The following IDH1 variants were observed in gnomAD, a reference collection of about 807,000 sequenced individuals.
The protein encoded by IDH1 is isocitrate dehydrogenase (NADP(+)) 1.
In IDH1, 33 loss-of-function variants were observed where a neutral mutation model predicts 46.1. The observed-to-expected ratio is 0.72, with a 90% confidence interval of 0.54 to 0.96. The LOEUF is 0.96. Among genes scored for constraint, IDH1 ranks in the 40% least tolerant of loss-of-function variants. IDH1 has a pLI of 0.00. For synonymous variants in IDH1, 144 were observed against 172.8 expected (o/e 0.83, Z 1.31); for missense variants, 421 against 515.7 (o/e 0.82, Z 1.78).
At position 208,248,531 on chromosome 2, in the gene IDH1, C is replaced by T. The variant is rs1349971974; in HGVS notation, c.252G>A (p.Glu84=). ...TCCACATTTGTTTCAACTTGAACTC[C>T]TCAACCCTCTTCTCATCAGGAGTGA... ...ATITPDEKRV[E]EFKLKQMWKS... The change falls in exon 4 of 10, where the codon GAG becomes GAA. Residue 84 remains glutamate (E), a synonymous_variant. Transcript: ENST00000345146. The T allele has an allele frequency of 1.9e-6, 3 of 1,614,150 alleles. No homozygotes were observed. The highest frequency in any genetic ancestry group is 2.5e-6 in the Non-Finnish European group (3 of 1,180,028).
Position 208,251,518 on chromosome 2 carries a change from C to G in IDH1, c.34G>C (p.Glu12Gln), listed in dbSNP as rs1248893111. The part of the protein sequence containing the change: ...SKKISGGSVV[E>Q]MQGDEMTRII... The stretch of plus-strand genomic sequence containing the variant: ...CGTGTCATTTCATCTCCTTGCATCT[C>G]TACCACAGAACCGCCACTGATTTTT... Residue 12 changes from glutamate (E) to glutamine (Q), a missense_variant, in exon 3 of 10, where the codon GAG (glutamate) becomes CAG (glutamine). By Grantham distance (29) the Glu-to-Gln change is conservative. Transcript: ENST00000345146. 5 of 1,613,706 alleles carry G rather than the reference C, an allele frequency of 3.1e-6. No homozygotes were observed. Among genetic ancestry groups the G allele is most frequent in the Non-Finnish European group, 4.2e-6 (5 of 1,179,930 alleles).
intron 4 of IDH1, chr2:208,247,532 C>T (rs1015169015): frequency 6.6e-6 from 1 of 152,178 alleles, no homozygotes; most frequent in African/African-American, 2.4e-5. Context: ...AACTCCTAGG[C>T]TTAAGGGATC....
chr2:208,239,320 G>GT, intron 8 of IDH1, 87 bp from the exon 9 acceptor site: 1 of 1,410,100 alleles, frequency 7.1e-7, no homozygotes, highest in East Asian at 2.4e-5. Context: ...AAACAGAATA[G>GT]TTTTTTGTTT....
At chr2:208,249,724 A>G (rs1436443018) in intron 3 of IDH1, among the ~76,000 whole-genome samples, 1 of 152,208 alleles carries the variant, frequency 6.6e-6, no homozygotes, top group Admixed American at 6.5e-5. Flanking sequence ...CATGATGCAA[A>G]CAAAGAGATA....
At chr2:208,245,788 CCA>C (rs1159805109) in intron 4 of IDH1, among the ~76,000 whole-genome samples, 9 of 42,338 alleles carry the variant, frequency 2.1e-4, no homozygotes, top group African/African-American at 3.4e-4. Context: ...GACCCCCCCC[CCA>C]AAAAAAAAAA....
chr2:208,243,015 C>T (rs1393649058), intron 6 of IDH1, among the ~76,000 whole-genome samples: 4 of 152,270 alleles, frequency 2.6e-5, no homozygotes, highest in Middle Eastern at 3.4e-3. Context: ...CCGCCCGCCT[C>T]GGCCTCCCAA....
At chr2:208,240,824 T>TA (rs1687904656) in intron 7 of IDH1, among the ~76,000 whole-genome samples, 1 of 152,200 alleles carries the variant, frequency 6.6e-6, no homozygotes, top group African/African-American at 2.4e-5. Flanking sequence ...TTGCATTCAG[T>TA]ACAAATGATT....
chr2:208,245,309 T>A lies in IDH1; in HGVS notation c.520+10A>T, dbSNP rs1292727156. ...AAAAAAAAAGAAGCTTATGCTACAG[T>A]CATACATACCTTCAAAGTTATGTAC... On this transcript the variant is annotated intron_variant, in intron 5 of 9. Coordinates refer to ENST00000345146, the MANE Select transcript of IDH1 (RefSeq NM_005896.4). The A allele has an allele frequency of 7.4e-7, 1 of 1,357,444 alleles. No homozygotes were observed. The highest frequency in any genetic ancestry group is 1.4e-5 in the African/African-American group (1 of 70,020). 84.1% of individuals were successfully genotyped at this position (1,357,444 alleles called of 1,614,324 possible). A position where few individuals can be genotyped will look rare whatever the true frequency, so the allele number is the denominator to read the frequency against.
rs1687928524 is a variant in IDH1 at position 208,242,043 on chromosome 2, C to T, written c.801G>A (p.Trp267Ter). 6.2e-7 allele frequency: 1 copy of T among 1,612,846 alleles called. No homozygotes were observed. Among genetic ancestry groups the T allele is most frequent in the Non-Finnish European group, 8.5e-7 (1 of 1,179,838 alleles). Residue 267 changes from tryptophan (W) to a stop codon, truncating the protein, a stop_gained, in exon 7 of 10, where the codon TGG becomes TGA. Coordinates refer to ENST00000345146, the MANE Select transcript of IDH1 (RefSeq NM_005896.4). LOFTEE classifies it high-confidence loss of function. ...CGTCACCATCATAGTTTTTACAGGC[C>T]CAGATGAAGCCTCCCTCTGATTTCA... The part of the protein sequence containing the change: ...QAMKSEGGFI[W>*]ACKNYDGDVQ...
At chr2:208,246,702 G>A (rs1443944338) in intron 4 of IDH1, among the ~76,000 whole-genome samples, 1 of 150,978 alleles carries the variant, frequency 6.6e-6, no homozygotes, top group African/African-American at 2.4e-5. Flanking sequence ...ACTTTGGGAG[G>A]CGGAGGCGGA....
chr2:208,240,170 C>T, intron 7 of IDH1, 167 bp from the exon 8 acceptor site: 2 of 717,282 alleles, frequency 2.8e-6, no homozygotes, highest in Non-Finnish European at 4.9e-6. Flanking sequence ...AGGATCCCCG[C>T]TCCAGATATC....
chr2:208,239,684 A>T (rs1687881686), intron 8 of IDH1, among the ~76,000 whole-genome samples, 179 bp downstream of exon 8: 1 of 152,258 alleles, frequency 6.6e-6, no homozygotes, highest in South Asian at 2.1e-4. Flanking sequence ...GTTCTCCCAC[A>T]AAACAGAAAA....
At chr2:208,242,804 G>A (rs28522161) in intron 6 of IDH1, among the ~76,000 whole-genome samples, 1,839 of 146,552 alleles carry the variant, frequency 0.013, 44 homozygotes, top group African/African-American at 0.045. Flanking sequence ...TCGCTCTGTC[G>A]CCCAGGCTGC....
intron 9 of IDH1, 72 bp downstream of exon 9, chr2:208,238,999 A>C: frequency 7.7e-7 from 1 of 1,295,972 alleles, no homozygotes; most frequent in Non-Finnish European, 1.1e-6. Flanking sequence ...AATTCCAGAA[A>C]GCACCGATGC....
rs962689565 is a variant in IDH1 at position 208,236,801 on chromosome 2, A to T, written c.*278T>A. 1 of 412,418 alleles carries T rather than the reference A, an allele frequency of 2.4e-6. No individual in the cohort carries two copies. Among genetic ancestry groups the T allele is most frequent in the Non-Finnish European group, 4.4e-6 (1 of 229,472 alleles). 25.5% of individuals were successfully genotyped at this position (412,418 alleles called of 1,614,324 possible). On this transcript the variant is annotated 3_prime_UTR_variant, in exon 10 of 10. Transcript: ENST00000345146. ...GGTCATTTATAATTAGAACATGAGA[A>T]AAAGTGACAGTGAATACAAATGAGT...
intron 4 of IDH1, among the ~76,000 whole-genome samples, chr2:208,246,107 T>A (rs1336275256): frequency 6.6e-6 from 1 of 152,170 alleles, no homozygotes; most frequent in Non-Finnish European, 1.5e-5. Flanking sequence ...TTATAGGACT[T>A]GTTCATATGG....
chr2:208,248,925 A>G lies in IDH1; in HGVS notation c.123-265T>C, dbSNP rs187924894. 9.2e-5 allele frequency among the ~76,000 whole-genome samples: 14 copies of G among 152,250 alleles called. 1 individual carries two copies. In the East Asian group the frequency reaches 2.5e-3, roughly 27 times the overall value. On this transcript the variant is annotated intron_variant, in intron 3 of 9. Coordinates refer to ENST00000345146, the MANE Select transcript of IDH1 (RefSeq NM_005896.4). The stretch of plus-strand genomic sequence containing the variant: ...CAGGAAAATGAATGGAAACCATCAA[A>G]CTCTGCCCTTTGCCTCCTGTTTTTC...
Position 208,239,907 on chromosome 2 carries a change from TA to T in IDH1, c.946del (p.Tyr316ThrfsTer25), listed in dbSNP as rs767852664. The T allele has an allele frequency of 6.2e-7, 1 of 1,614,144 alleles. No homozygotes were observed. On this transcript the variant is annotated frameshift_variant, in exon 8 of 10. Coordinates refer to ENST00000345146, the MANE Select transcript of IDH1 (RefSeq NM_005896.4). LOFTEE classifies it high-confidence loss of function. ...CTCCTGTCCTTTCTGGTACATGCGG[TA>T]GTGACGGGTTACAGTCCCGTGGGCA... is the stretch of plus-strand genomic sequence containing the variant. Reference protein sequence around the residue: ...EAAHGTVTRHYRMYQKGQETS... With the variant: ...EAAHGTVTRHXRMYQKGQETS...
intron 4 of IDH1, 90 bp downstream of exon 4, chr2:208,248,279 A>C: frequency 8.4e-7 from 1 of 1,189,028 alleles, no homozygotes; most frequent in Non-Finnish European, 1.2e-6. Flanking sequence ...GTAGATACCA[A>C]AAGATAAGAA....
Sources: gnomAD v4.1 joint callset for allele counts (sites outside exome capture counted in the v4.1 genomes callset) on GRCh38, gnomAD v4.1.1 for gene constraint, MANE v1.5 for transcripts, NCBI Gene and HGNC (gene_info 2026-07-23, HGNC 2026-07-21) for gene names.